Variants in RAB3GAP1 observed in about 807,000 individuals in gnomAD.
RAB3GAP1 encodes RAB3 GTPase activating protein catalytic subunit 1.
RAB3GAP1 carries 86 observed loss-of-function variants against 130.7 expected under a neutral mutation model. The ratio of observed to expected loss-of-function variants is 0.66; its 90% confidence interval spans 0.55 to 0.79. The LOEUF (loss-of-function observed/expected upper bound fraction) is 0.79, where lower values mean the gene tolerates loss of function less well. Among genes scored for constraint, RAB3GAP1 ranks in the 30% least tolerant of loss-of-function variants. The probability of loss-of-function intolerance (pLI) is 0.00; values close to 1 mark genes in which losing one functional copy is unlikely to be tolerated. For missense variants in RAB3GAP1, 1,029 were observed against 1,169.4 expected (o/e 0.88, Z 1.75); for synonymous variants, 367 against 401.7 (o/e 0.91, Z 1.03).
chr2:135,127,326 C>T (rs1022004568), intron 11 of RAB3GAP1, among the ~76,000 whole-genome samples: 1 of 149,258 alleles, frequency 6.7e-6, no homozygotes, highest in Admixed American at 6.8e-5. Flanking sequence ...CTGAAGAGCA[C>T]TGTTTTGTTT....
chr2:135,130,474 A>G lies in RAB3GAP1; in HGVS notation c.1067-78A>G, dbSNP rs1198790692. ...AAAAAGAATGAGTAAAATATTCTAT[A>G]TAATCATCAATTTGTTCATCACTTT... On this transcript the variant is annotated intron_variant, in intron 12 of 23. Transcript: ENST00000264158. 27 of 1,197,360 alleles carry G rather than the reference A, an allele frequency of 2.3e-5. No homozygotes were observed. The East Asian group carries it at 4.8e-4, about 21-fold the overall frequency. The allele number at this position is 1,197,360 out of a possible 1,614,324, so 74.2% of individuals were successfully genotyped here. A position where few individuals can be genotyped will look rare whatever the true frequency, so the allele number is the denominator to read the frequency against.
intron 17 of RAB3GAP1, among the ~76,000 whole-genome samples, chr2:135,140,012 C>T (rs1045301632): frequency 2.0e-5 from 3 of 152,092 alleles, no homozygotes; most frequent in African/African-American, 7.2e-5. Flanking sequence ...TATAATCATA[C>T]ATTATATACC....
At chr2:135,065,399 C>T (rs1359725535) in intron 3 of RAB3GAP1, among the ~76,000 whole-genome samples, 1 of 152,076 alleles carries the variant, frequency 6.6e-6, no homozygotes, top group South Asian at 2.1e-4. Context: ...TCAACTAGAA[C>T]AATGGATTGC....
intron 3 of RAB3GAP1, among the ~76,000 whole-genome samples, chr2:135,083,933 G>T (rs1337288792): frequency 2.0e-5 from 3 of 151,814 alleles, no homozygotes; most frequent in Non-Finnish European, 4.4e-5. Context: ...GTCTTTTCAG[G>T]TCCTTTGCCC....
chr2:135,114,581 C>T (rs1297310159), intron 6 of RAB3GAP1, among the ~76,000 whole-genome samples: 1 of 152,160 alleles, frequency 6.6e-6, no homozygotes, highest in Non-Finnish European at 1.5e-5. Context: ...GACTTGGGTT[C>T]CTTCGAGCCT....
intron 20 of RAB3GAP1, 41 bp downstream of exon 20, chr2:135,162,692 T>G: frequency 6.2e-7 from 1 of 1,606,056 alleles, no homozygotes; most frequent in Non-Finnish European, 8.5e-7. Flanking sequence ...ATTTCCAAAG[T>G]GAAAGTATAT....
chr2:135,165,138 T>A (rs764504834), intron 23 of RAB3GAP1: 1 of 456,452 alleles, frequency 2.2e-6, no homozygotes, highest in South Asian at 1.6e-5. Flanking sequence ...GGTGAGGAGA[T>A]CTACCTTTGA....
At chr2:135,097,093 GT>G (rs1248105442) in intron 5 of RAB3GAP1, among the ~76,000 whole-genome samples, 3 of 151,522 alleles carry the variant, frequency 2.0e-5, no homozygotes, top group Non-Finnish European at 4.4e-5. Context: ...ACTTTATATA[GT>G]TTTTTACTAG....
Position 135,135,557 on chromosome 2 carries a change from T to C in RAB3GAP1, c.1555-7T>C. 1 of 1,590,264 alleles carries C rather than the reference T, an allele frequency of 6.3e-7. No homozygotes were observed. The highest frequency in any genetic ancestry group is 2.2e-5 in the East Asian group (1 of 44,756). ...TCAACTATAAATGTTATTTCTCTTTTCTTAAGATGTTAAATTGTTGTATTG... is the reference window on the plus strand; with the variant it reads ...TCAACTATAAATGTTATTTCTCTTTCCTTAAGATGTTAAATTGTTGTATTG... On this transcript the variant is annotated splice_polypyrimidine_tract_variant and splice_region_variant and intron_variant, in intron 16 of 23. Coordinates refer to ENST00000264158, the MANE Select transcript of RAB3GAP1 (RefSeq NM_012233.3).
chr2:135,105,279 C>T (rs1281933065), intron 5 of RAB3GAP1, among the ~76,000 whole-genome samples: 1 of 139,772 alleles, frequency 7.2e-6, no homozygotes, highest in Admixed American at 7.2e-5. Context: ...CCTCTGATGC[C>T]AAGCCGAACC....
At chr2:135,098,554 A>G (rs1331770666) in intron 5 of RAB3GAP1, among the ~76,000 whole-genome samples, 1 of 152,126 alleles carries the variant, frequency 6.6e-6, no homozygotes, top group African/African-American at 2.4e-5. Context: ...TCAAAATCTG[A>G]GGGTGAAAGC....
At chr2:135,103,756 C>T (rs1306791370) in intron 5 of RAB3GAP1, among the ~76,000 whole-genome samples, 1 of 152,150 alleles carries the variant, frequency 6.6e-6, no homozygotes, top group Admixed American at 6.5e-5. Flanking sequence ...AAACTTTTGC[C>T]TTTGCCAAGC....
At chr2:135,137,020 T>G in intron 17 of RAB3GAP1, 1 of 238,206 alleles carries the variant, frequency 4.2e-6, no homozygotes, top group Non-Finnish European at 8.4e-6. Flanking sequence ...AGCCCAGGAG[T>G]TGGAGGCTGC....
rs1020656789 is a variant in RAB3GAP1 at position 135,065,009 on chromosome 2, T to C, written c.150+6923T>C. 1.4e-4 allele frequency among the ~76,000 whole-genome samples: 22 copies of C among 152,196 alleles called. No homozygotes were observed. The East Asian group carries it at 3.1e-3, about 21-fold the overall frequency. Reference sequence around the variant, plus strand: ...ATGGCAGCAGCTGAAATCTTTTCTTTCCAGCTTTTTCTTTGTCATCGTACC... The same window carrying C: ...ATGGCAGCAGCTGAAATCTTTTCTTCCCAGCTTTTTCTTTGTCATCGTACC... On this transcript the variant is annotated intron_variant, in intron 3 of 23. Coordinates refer to ENST00000264158, the MANE Select transcript of RAB3GAP1 (RefSeq NM_012233.3).
intron 23 of RAB3GAP1, among the ~76,000 whole-genome samples, chr2:135,167,088 A>G (rs1419918713): frequency 6.6e-6 from 1 of 152,196 alleles, no homozygotes; most frequent in Non-Finnish European, 1.5e-5. Context: ...TCATTAGCTG[A>G]TACTTTATAT....
intron 3 of RAB3GAP1, among the ~76,000 whole-genome samples, chr2:135,083,471 A>G (rs1291628406): frequency 1.3e-5 from 2 of 151,544 alleles, no homozygotes; most frequent in Non-Finnish European, 2.9e-5. Flanking sequence ...TTTTATTTTT[A>G]TTTTTTAGAG....
At chr2:135,165,990 G>A (rs975021955) in intron 23 of RAB3GAP1, among the ~76,000 whole-genome samples, 4 of 152,062 alleles carry the variant, frequency 2.6e-5, no homozygotes, top group African/African-American at 4.8e-5. Flanking sequence ...TGGCCAATGT[G>A]GTGAAACCCT....
chr2:135,173,332 G>C (rs1017149327), downstream of RAB3GAP1, among the ~76,000 whole-genome samples: 4 of 151,848 alleles, frequency 2.6e-5, no homozygotes, highest in African/African-American at 9.7e-5. Context: ...GAGCGAGAAA[G>C]GAAGAGGAGG....
At chr2:135,081,005 G>A (rs569757550) in intron 3 of RAB3GAP1, among the ~76,000 whole-genome samples, 3 of 152,154 alleles carry the variant, frequency 2.0e-5, no homozygotes, top group Admixed American at 6.5e-5. Context: ...ATCCCAAATT[G>A]TCATGATCAA....
Sources: allele counts gnomAD v4.1 joint callset (sites outside exome capture counted in the v4.1 genomes callset), GRCh38; gene constraint gnomAD v4.1.1; transcripts MANE v1.5; gene names NCBI Gene and HGNC (gene_info 2026-07-23, HGNC 2026-07-21).